The following ANKRD6 variants were observed in gnomAD, a reference collection of about 807,000 sequenced individuals.
The protein encoded by ANKRD6 is ankyrin repeat domain-containing protein 6.
A neutral mutation model predicts 82.3 loss-of-function variants in ANKRD6; 56 were observed. The observed-to-expected ratio is 0.68, with a 90% CI of 0.55 to 0.85. The LOEUF (loss-of-function observed/expected upper bound fraction) is 0.85, where lower values mean the gene tolerates loss of function less well. Among genes scored for constraint, ANKRD6 ranks in the 40% least tolerant of loss-of-function variants. ANKRD6 has a pLI of 0.00. For synonymous variants in ANKRD6, 347 were observed against 352.1 expected (o/e 0.99, Z 0.16); for missense variants, 852 against 907.6 (o/e 0.94, Z 0.79).
At chr6:89,486,927 C>G (rs1777445276) in intron 1 of ANKRD6, among the ~76,000 whole-genome samples, 1 of 152,296 alleles carries the variant, frequency 6.6e-6, no homozygotes, top group East Asian at 1.9e-4. Flanking sequence ...AGTCCCATCT[C>G]CAAATCACAT....
intron 1 of ANKRD6, among the ~76,000 whole-genome samples, chr6:89,449,637 G>A (rs1407094244): frequency 1.3e-5 from 2 of 152,092 alleles, no homozygotes; most frequent in Non-Finnish European, 2.9e-5. Flanking sequence ...GCCCAGTAAC[G>A]GCATTTTCAC....
intron 10 of ANKRD6, 94 bp downstream of exon 10, chr6:89,622,120 C>A: frequency 1.8e-6 from 2 of 1,119,054 alleles, no homozygotes; most frequent in Non-Finnish European, 2.6e-6. Context: ...CTGGTGGCTG[C>A]CCGGCCCTCT....
At chr6:89,461,951 G>A (rs1226705335) in intron 1 of ANKRD6, among the ~76,000 whole-genome samples, 2 of 152,100 alleles carry the variant, frequency 1.3e-5, no homozygotes, top group Admixed American at 1.3e-4. Context: ...AGTGAAATGG[G>A]CCGGGCACAG....
intron 1 of ANKRD6, among the ~76,000 whole-genome samples, chr6:89,435,331 C>T (rs942520124): frequency 3.9e-5 from 6 of 152,214 alleles, no homozygotes; most frequent in Admixed American, 3.3e-4. Context: ...CTGAGTACCC[C>T]TCTCCATTGC....
At chr6:89,594,671 GGTT>G (rs1218985164) in intron 2 of ANKRD6, among the ~76,000 whole-genome samples, 9 of 152,088 alleles carry the variant, frequency 5.9e-5, no homozygotes, top group Admixed American at 5.9e-4. Flanking sequence ...AATGGTTGGT[GGTT>G]ATGTGAAGTT....
intron 2 of ANKRD6, among the ~76,000 whole-genome samples, chr6:89,571,196 T>C (rs9451246): frequency 0.49 from 74,437 of 151,930 alleles, 19,042 homozygotes; most frequent in South Asian, 0.71. Flanking sequence ...GGACTACAGG[T>C]GCCCGCCATG....
At chr6:89,563,868 A>G (rs1787917769) in intron 1 of ANKRD6, among the ~76,000 whole-genome samples, 1 of 152,192 alleles carries the variant, frequency 6.6e-6, no homozygotes, top group South Asian at 2.1e-4. Flanking sequence ...AACAGTGACC[A>G]TGAGGGAGGG....
intron 9 of ANKRD6, chr6:89,621,427 C>A (rs936342143): frequency 7.7e-5 from 13 of 168,654 alleles, no homozygotes; most frequent in Non-Finnish European, 1.7e-4. Flanking sequence ...CATAGATACA[C>A]TTTAATAATA....
chr6:89,575,529 C>T (rs753253583), intron 2 of ANKRD6, among the ~76,000 whole-genome samples: 1 of 152,134 alleles, frequency 6.6e-6, no homozygotes, highest in South Asian at 2.1e-4. Flanking sequence ...TTCCTTGGCA[C>T]CTGACACATT....
At chr6:89,434,212 T>G (rs1016901044) in intron 1 of ANKRD6, among the ~76,000 whole-genome samples, 1 of 152,194 alleles carries the variant, frequency 6.6e-6, no homozygotes, top group African/African-American at 2.4e-5. Context: ...TTTAGAACTC[T>G]AAACTGCAGG....
intron 4 of ANKRD6, among the ~76,000 whole-genome samples, chr6:89,603,392 TCATAGCTCACTGCAC>T (rs1299050056): frequency 6.8e-6 from 1 of 147,496 alleles, no homozygotes; most frequent in Admixed American, 6.9e-5. Flanking sequence ...AATGGCATGA[TCATAGCTCACTGCAC>T]CTGGAACTCC....
chr6:89,438,697 C>T (rs1235105039), intron 1 of ANKRD6, among the ~76,000 whole-genome samples: 1 of 152,024 alleles, frequency 6.6e-6, no homozygotes, highest in Non-Finnish European at 1.5e-5. Context: ...GGCTGGAGTG[C>T]AATGGTGCGA....
At chr6:89,505,779 A>C (rs1169033307) in intron 1 of ANKRD6, among the ~76,000 whole-genome samples, 1 of 152,250 alleles carries the variant, frequency 6.6e-6, no homozygotes, top group African/African-American at 2.4e-5. Context: ...ATAAAGAGAC[A>C]TCAGCACCCC....
chr6:89,544,440 G>T (rs1187762717), intron 1 of ANKRD6, among the ~76,000 whole-genome samples: 1 of 152,216 alleles, frequency 6.6e-6, no homozygotes, highest in Non-Finnish European at 1.5e-5. Flanking sequence ...TCCTGTCCGG[G>T]CACAGTGGCT....
chr6:89,483,944 C>T (rs1209334900), intron 1 of ANKRD6, among the ~76,000 whole-genome samples: 1 of 152,176 alleles, frequency 6.6e-6, no homozygotes, highest in Non-Finnish European at 1.5e-5. Flanking sequence ...GAGACAGAGT[C>T]TCGTGCTGTT....
intron 1 of ANKRD6, among the ~76,000 whole-genome samples, chr6:89,473,620 A>AT (rs1328463894): frequency 6.6e-6 from 1 of 152,078 alleles, no homozygotes; most frequent in Non-Finnish European, 1.5e-5. Context: ...AATTTGGATG[A>AT]TTTTTCTAAA....
chr6:89,468,804 A>G (rs922277879), intron 1 of ANKRD6, among the ~76,000 whole-genome samples: 1 of 152,146 alleles, frequency 6.6e-6, no homozygotes, highest in Non-Finnish European at 1.5e-5. Context: ...TTCCTAAGGC[A>G]TATCATTTTG....
At chr6:89,580,784 C>T (rs529920836) in intron 2 of ANKRD6, among the ~76,000 whole-genome samples, 4 of 152,278 alleles carry the variant, frequency 2.6e-5, no homozygotes, top group Admixed American at 1.3e-4. Context: ...ACCAGAATGG[C>T]GTGGCCTGAA....
chr6:89,522,194 G>A (rs1781972403), intron 1 of ANKRD6, among the ~76,000 whole-genome samples: 2 of 152,196 alleles, frequency 1.3e-5, no homozygotes, highest in Non-Finnish European at 2.9e-5. Context: ...CTTCTGGCCT[G>A]CAAGAATGTC....
Sources: gnomAD v4.1 joint callset for allele counts (sites outside exome capture counted in the v4.1 genomes callset) on GRCh38, gnomAD v4.1.1 for gene constraint, MANE v1.5 for transcripts, NCBI Gene and HGNC (gene_info 2026-07-23, HGNC 2026-07-21) for gene names.